The following PPP2R2B variants were observed in gnomAD, a reference collection of about 807,000 sequenced individuals.
PPP2R2B encodes the protein protein phosphatase 2 regulatory subunit Bbeta.
In PPP2R2B, 5 loss-of-function variants were observed where a neutral mutation model predicts 46.0. That is an observed-to-expected ratio of 0.11 (90% CI 0.06 to 0.23). The LOEUF is 0.23. Ranked by LOEUF, PPP2R2B falls within the 10% of genes least tolerant of loss-of-function variation. The probability of loss-of-function intolerance (pLI) is 1.00; values close to 1 mark genes in which losing one functional copy is unlikely to be tolerated. For synonymous variants in PPP2R2B, 215 were observed against 206.7 expected (o/e 1.04, Z -0.34); for missense variants, 367 against 575.0 (o/e 0.64, Z 3.70).
At chr5:146,714,667 A>C (rs1269019127) in intron 2 of PPP2R2B, among the ~76,000 whole-genome samples, 1 of 152,204 alleles carries the variant, frequency 6.6e-6, no homozygotes, top group Non-Finnish European at 1.5e-5. Flanking sequence ...TCTGGATAGT[A>C]AGAAAAATGC....
intron 2 of PPP2R2B, among the ~76,000 whole-genome samples, chr5:146,742,176 C>A (rs190088953): frequency 3.0e-4 from 46 of 152,322 alleles, no homozygotes; most frequent in Middle Eastern, 3.4e-3. Flanking sequence ...TGCTGTGATA[C>A]TGCAGGAAAT....
chr5:147,018,457 AT>A (rs1290899356), intron 1 of PPP2R2B, among the ~76,000 whole-genome samples: 1 of 152,272 alleles, frequency 6.6e-6, no homozygotes, highest in East Asian at 1.9e-4. Context: ...AAAAGATCTC[AT>A]TTTTTATATA....
intron 2 of PPP2R2B, among the ~76,000 whole-genome samples, chr5:146,791,866 C>T (rs1239222938): frequency 1.3e-5 from 2 of 152,120 alleles, no homozygotes; most frequent in Non-Finnish European, 2.9e-5. Flanking sequence ...TTTTCTTATC[C>T]TCAAGTAAAA....
chr5:147,080,322 G>C (rs1757936590), intron 2 of PPP2R2B, among the ~76,000 whole-genome samples: 1 of 152,078 alleles, frequency 6.6e-6, no homozygotes, highest in Non-Finnish European at 1.5e-5. Context: ...TACCATCAAA[G>C]CAGCAAAATC....
intron 1 of PPP2R2B, among the ~76,000 whole-genome samples, chr5:146,941,609 A>C (rs1021375132): frequency 6.6e-6 from 1 of 152,194 alleles, no homozygotes; most frequent in Non-Finnish European, 1.5e-5. Context: ...ACCTGATAGA[A>C]CCTTTCCACT....
rs186024903 is a variant in PPP2R2B at position 147,037,199 on chromosome 5, A to C, written c.79+18466T>G. Among the ~76,000 whole-genome samples, 852 of 152,252 alleles carry C rather than the reference A, an allele frequency of 5.6e-3. 8 individuals carry two copies. The highest frequency in any genetic ancestry group is 0.019 in the African/African-American group (790 of 41,530). ...TTGCCTAAGATAGTTAAATCACAGC[A>C]ACAGGGGCTGTGGAACCAATTGTCT... On this transcript the variant is annotated intron_variant, in intron 1 of 8. Coordinates refer to the PPP2R2B transcript ENST00000336640.
intron 5 of PPP2R2B, among the ~76,000 whole-genome samples, chr5:146,671,042 A>C (rs1463318862): frequency 6.6e-6 from 1 of 152,212 alleles, no homozygotes. Flanking sequence ...AGAGAGGTTA[A>C]AAAATATTAA....
intron 2 of PPP2R2B, among the ~76,000 whole-genome samples, chr5:146,709,588 G>T (rs995994030): frequency 6.6e-6 from 1 of 152,222 alleles, no homozygotes; most frequent in Non-Finnish European, 1.5e-5. Flanking sequence ...AAGGAAGTAA[G>T]TGAGGGAAGG....
intron 1 of PPP2R2B, among the ~76,000 whole-genome samples, chr5:147,023,212 TATGCTGCGAC>T (rs1755369890): frequency 6.6e-6 from 1 of 152,272 alleles, no homozygotes; most frequent in South Asian, 2.1e-4. Context: ...AGTGGAATAA[TATGCTGCGAC>T]AAGTGTATTA....
chr5:146,908,480 G>A (rs548620), intron 1 of PPP2R2B, among the ~76,000 whole-genome samples: 31,165 of 150,494 alleles, frequency 0.21, 4,268 homozygotes, highest in African/African-American at 0.38. Flanking sequence ...ACATACATAT[G>A]TATACAGCTG....
intron 1 of PPP2R2B, among the ~76,000 whole-genome samples, chr5:146,988,908 G>T (rs951426230): frequency 6.6e-6 from 1 of 151,756 alleles, no homozygotes; most frequent in African/African-American, 2.4e-5. Context: ...AAACAGAAAT[G>T]AAAAAGATGA....
intron 1 of PPP2R2B, chr5:147,040,921 G>A (rs1467058851): frequency 1.6e-5 from 6 of 379,732 alleles, no homozygotes; most frequent in Non-Finnish European, 3.1e-5. Flanking sequence ...ACACAAGCCT[G>A]CCAAGTGAAA....
At position 146,992,079 on chromosome 5, in the gene PPP2R2B, CA is replaced by C. The variant is rs781489646; in HGVS notation, c.79+63585del. On this transcript the variant is annotated intron_variant, in intron 1 of 8. Coordinates refer to the PPP2R2B transcript ENST00000336640. ...CCCAAATAGCCAAGACAATCATGAG[CA>C]AAAAGAACAAAGAGTTATTAAACCA... Among the ~76,000 whole-genome samples, 354 of 151,988 alleles carry C rather than the reference CA, an allele frequency of 2.3e-3. 4 individuals carry two copies. Among genetic ancestry groups the C allele is most frequent in the Non-Finnish European group, 1.1e-3 (74 of 67,942 alleles).
At chr5:146,943,492 G>A (rs1369811349) in intron 1 of PPP2R2B, among the ~76,000 whole-genome samples, 1 of 152,152 alleles carries the variant, frequency 6.6e-6, no homozygotes, top group Non-Finnish European at 1.5e-5. Flanking sequence ...AGCCCATGAG[G>A]TTGTAAGAAA....
intron 1 of PPP2R2B, among the ~76,000 whole-genome samples, chr5:146,935,666 GA>G (rs1764115114): frequency 6.6e-6 from 1 of 152,102 alleles, no homozygotes; most frequent in African/African-American, 2.4e-5. Context: ...AAGGAGGATT[GA>G]AAGTAAAGAG....
chr5:146,958,131 G>A (rs7726431), intron 1 of PPP2R2B, among the ~76,000 whole-genome samples: 96,878 of 151,878 alleles, frequency 0.64, 31,413 homozygotes, highest in African/African-American at 0.7. Flanking sequence ...CTCAGATACA[G>A]CAACGAGCAG....
intron 1 of PPP2R2B, among the ~76,000 whole-genome samples, chr5:146,972,616 G>T (rs1406594825): frequency 2.6e-5 from 4 of 152,128 alleles, no homozygotes; most frequent in African/African-American, 9.7e-5. Context: ...AGAGGCTGAG[G>T]CAGGAGAATC....
intron 2 of PPP2R2B, among the ~76,000 whole-genome samples, chr5:146,815,427 C>T (rs969236615): frequency 1.3e-5 from 2 of 152,226 alleles, no homozygotes; most frequent in African/African-American, 2.4e-5. Flanking sequence ...TTGCACAATA[C>T]TTGACACACA....
intron 1 of PPP2R2B, among the ~76,000 whole-genome samples, chr5:146,887,496 CTA>C (rs966036430): frequency 4.0e-5 from 6 of 150,856 alleles, no homozygotes; most frequent in East Asian, 1.9e-4. Flanking sequence ...ACAGACATAC[CTA>C]TATATATATA....
Sources: gnomAD v4.1 joint callset for allele counts (sites outside exome capture counted in the v4.1 genomes callset) on GRCh38, gnomAD v4.1.1 for gene constraint, MANE v1.5 for transcripts, NCBI Gene and HGNC (gene_info 2026-07-23, HGNC 2026-07-21) for gene names.